PAPSS1: variants seen among roughly 807,000 people sequenced by gnomAD.
PAPSS1 encodes bifunctional 3'-phosphoadenosine 5'-phosphosulfate synthase 1.
PAPSS1 carries 50 observed loss-of-function variants against 72.0 expected under a neutral mutation model. The observed-to-expected ratio is 0.69, with a 90% CI of 0.55 to 0.88. The LOEUF is 0.88. PAPSS1 is among the 40% of genes least tolerant of loss of function. The pLI is 0.00. For missense variants in PAPSS1, 657 were observed against 782.2 expected, an observed-to-expected ratio of 0.84 and a Z score of 1.91; for synonymous variants, 261 against 263.6, an observed-to-expected ratio of 0.99 and a Z score of 0.09.
intron 11 of PAPSS1, among the ~76,000 whole-genome samples, chr4:107,621,626 T>TTTTTTTTTTG (rs1725960422): frequency 8.3e-6 from 1 of 120,382 alleles, no homozygotes; most frequent in Non-Finnish European, 1.7e-5. Flanking sequence ...TTTTTTTTTT[T>TTTTTTTTTTG]TTTTTTTTTT....
intron 10 of PAPSS1, among the ~76,000 whole-genome samples, chr4:107,638,925 A>T (rs1304546441): frequency 6.6e-6 from 1 of 152,174 alleles, no homozygotes; most frequent in Non-Finnish European, 1.5e-5. Flanking sequence ...CTAGCTGCAA[A>T]ATGAACTAGT....
intron 11 of PAPSS1, among the ~76,000 whole-genome samples, chr4:107,624,415 G>A (rs920742909): frequency 2.0e-5 from 3 of 152,190 alleles, no homozygotes; most frequent in African/African-American, 4.8e-5. Context: ...TAAGGGCAAT[G>A]ACAATATCTG....
At chr4:107,672,820 C>A (rs1022207810) in intron 5 of PAPSS1, among the ~76,000 whole-genome samples, 5 of 152,198 alleles carry the variant, frequency 3.3e-5, no homozygotes, top group African/African-American at 7.2e-5. Flanking sequence ...CCAGTAGGGG[C>A]AGACTGACAC....
At chr4:107,678,237 T>TAAA (rs386401096) in intron 5 of PAPSS1, among the ~76,000 whole-genome samples, 7 of 42,458 alleles carry the variant, frequency 1.6e-4, no homozygotes, top group Non-Finnish European at 5.4e-4. Context: ...ATGTAAAAAA[T>TAAA]AAAAAAAATA....
rs374856254 is a variant in PAPSS1 at position 107,720,082 on chromosome 4, C to T, written c.60+38G>A. On this transcript the variant is annotated intron_variant, in intron 1 of 11. Coordinates refer to ENST00000265174, the MANE Select transcript of PAPSS1 (RefSeq NM_005443.5). ...CCGGAACGAGCTGCTCCCACAGCCCCTCCGCTCCTCGCCGTCTCGCCTTCG... is the reference window on the plus strand; with the variant it reads ...CCGGAACGAGCTGCTCCCACAGCCCTTCCGCTCCTCGCCGTCTCGCCTTCG... 6.2e-4 allele frequency: 986 copies of T among 1,593,662 alleles called. 7 individuals carry two copies. The African/African-American group carries it at 0.012, about 19-fold the overall frequency.
At chr4:107,620,028 T>A (rs1042442764) in intron 11 of PAPSS1, among the ~76,000 whole-genome samples, 5 of 152,240 alleles carry the variant, frequency 3.3e-5, no homozygotes, top group Non-Finnish European at 7.3e-5. Context: ...ATCTGCTGTT[T>A]CTCACTCCAC....
At chr4:107,641,638 T>C (rs896445350) in intron 10 of PAPSS1, among the ~76,000 whole-genome samples, 3 of 152,340 alleles carry the variant, frequency 2.0e-5, no homozygotes, top group East Asian at 3.9e-4. Context: ...AGCTATTCAT[T>C]GAGTGACACA....
intron 9 of PAPSS1, 84 bp from the exon 10 acceptor site, chr4:107,645,154 G>T: frequency 9.8e-7 from 1 of 1,023,678 alleles, no homozygotes; most frequent in Non-Finnish European, 1.3e-6. Flanking sequence ...CTTAAAACTT[G>T]ATACTTAGGA....
chr4:107,705,694 C>CTTTTAACATTCATACT (rs1723323468), intron 1 of PAPSS1, among the ~76,000 whole-genome samples: 1 of 152,070 alleles, frequency 6.6e-6, no homozygotes, highest in Non-Finnish European at 1.5e-5. Flanking sequence ...ACATTCATAC[C>CTTTTAACATTCATACT]GGAGATATAA....
chr4:107,662,284 C>T (rs1402627614), intron 5 of PAPSS1, among the ~76,000 whole-genome samples: 1 of 152,160 alleles, frequency 6.6e-6, no homozygotes, highest in Non-Finnish European at 1.5e-5. Context: ...AGGCACAAAC[C>T]CGGCACAGCA....
At position 107,711,620 on chromosome 4, in the gene PAPSS1, C is replaced by T. The variant is rs536294922; in HGVS notation, c.60+8500G>A. 1.6e-4 allele frequency among the ~76,000 whole-genome samples: 25 copies of T among 152,294 alleles called. No homozygotes were observed. In the South Asian group the frequency reaches 5.0e-3, roughly 30 times the overall value. On this transcript the variant is annotated intron_variant, in intron 1 of 11. Coordinates refer to ENST00000265174, the MANE Select transcript of PAPSS1 (RefSeq NM_005443.5). ...ACCCTAAACTGATAAACAGTGTATT[C>T]CTCCAATGAGAAATCCCTGAAATGG...
intron 1 of PAPSS1, among the ~76,000 whole-genome samples, chr4:107,715,516 G>C (rs1362399798): frequency 6.6e-6 from 1 of 152,186 alleles, no homozygotes; most frequent in Non-Finnish European, 1.5e-5. Context: ...TGTATCATCT[G>C]AGTATTCAGC....
At chr4:107,676,544 C>G (rs1472831900) in intron 5 of PAPSS1, among the ~76,000 whole-genome samples, 5 of 152,124 alleles carry the variant, frequency 3.3e-5, no homozygotes, top group East Asian at 1.9e-4. Context: ...AGGATACAAA[C>G]AAATGGAAGA....
intron 9 of PAPSS1, among the ~76,000 whole-genome samples, chr4:107,645,280 T>C (rs928514554): frequency 6.6e-6 from 1 of 151,818 alleles, no homozygotes; most frequent in Non-Finnish European, 1.5e-5. Flanking sequence ...CAATATTAAG[T>C]AAATCATACT....
intron 5 of PAPSS1, among the ~76,000 whole-genome samples, chr4:107,675,252 T>C (rs1578414215): frequency 6.6e-6 from 1 of 152,244 alleles, no homozygotes. Context: ...AGCAGCTGAT[T>C]TTTTGAAAAG....
chr4:107,668,133 G>T (rs560720694), intron 5 of PAPSS1, among the ~76,000 whole-genome samples: 1 of 151,468 alleles, frequency 6.6e-6, no homozygotes, highest in Non-Finnish European at 1.5e-5. Flanking sequence ...AGTAAAGGCA[G>T]AGTAGTAGAA....
chr4:107,640,692 CA>C (rs988920847), intron 10 of PAPSS1, among the ~76,000 whole-genome samples: 2 of 152,100 alleles, frequency 1.3e-5, no homozygotes. Context: ...ACTGTCAGGC[CA>C]AAAACATTAA....
chr4:107,654,620 C>A (rs1289729637), intron 8 of PAPSS1, 75 bp downstream of exon 8: 36 of 1,181,502 alleles, frequency 3.0e-5, no homozygotes, highest in Non-Finnish European at 3.4e-5. Context: ...AAAGTCAATA[C>A]ACAGAAAATG....
At chr4:107,711,522 T>A (rs13120797) in intron 1 of PAPSS1, among the ~76,000 whole-genome samples, 2,730 of 152,346 alleles carry the variant, frequency 0.018, 35 homozygotes, top group Non-Finnish European at 0.026. Context: ...GTGAAATGTA[T>A]AAAGACACAA....
Sources: gnomAD v4.1 joint callset for allele counts (sites outside exome capture counted in the v4.1 genomes callset) on GRCh38, gnomAD v4.1.1 for gene constraint, MANE v1.5 for transcripts, NCBI Gene and HGNC (gene_info 2026-07-23, HGNC 2026-07-21) for gene names.